DIP2A: variants seen among roughly 807,000 people sequenced by gnomAD.
The protein encoded by DIP2A is DIP2 acetate--CoA ligase A, also known as disco-interacting protein 2 homolog A.
DIP2A carries 85 observed loss-of-function variants against 177.4 expected under a neutral mutation model. The ratio of observed to expected loss-of-function variants is 0.48; its 90% CI spans 0.40 to 0.57. The LOEUF (loss-of-function observed/expected upper bound fraction) is 0.57, where lower values mean the gene tolerates loss of function less well. Among genes scored for constraint, DIP2A ranks in the 20% least tolerant of loss-of-function variants. The pLI is 0.00. For synonymous variants in DIP2A, 886 were observed against 881.8 expected (o/e 1.00, Z -0.08); for missense variants, 1,791 against 2,100.2 (o/e 0.85, Z 2.88).
intron 18 of DIP2A, 79 bp from the exon 19 acceptor site, chr21:46,545,058 A>G (rs1038787231): frequency 4.8e-5 from 69 of 1,423,812 alleles, no homozygotes; most frequent in Non-Finnish European, 6.1e-5. Flanking sequence ...ATAACCGCAC[A>G]TACAGCAGCA....
At chr21:46,515,004 T>C (rs1170413692) in intron 8 of DIP2A, among the ~76,000 whole-genome samples, 1 of 152,250 alleles carries the variant, frequency 6.6e-6, no homozygotes, top group Non-Finnish European at 1.5e-5. Context: ...TTGGCCATAA[T>C]ATCTTACCCT....
chr21:46,493,899 G>T (rs7284064), intron 3 of DIP2A, among the ~76,000 whole-genome samples: 152,330 of 152,330 alleles, frequency 1, 76,165 homozygotes, highest in Non-Finnish European at 1. Context: ...CAGAAATTCT[G>T]GGCCATCCAT....
At chr21:46,501,007 C>T (rs2057620365) in intron 5 of DIP2A, among the ~76,000 whole-genome samples, 1 of 152,182 alleles carries the variant, frequency 6.6e-6, no homozygotes. Flanking sequence ...ACTTTGCTTA[C>T]AGGATTGCAA....
At chr21:46,562,276 A>G (rs1350828617) in intron 34 of DIP2A, among the ~76,000 whole-genome samples, 2 of 152,202 alleles carry the variant, frequency 1.3e-5, no homozygotes, top group Non-Finnish European at 2.9e-5. Flanking sequence ...CTCCCAGGAA[A>G]AAACTGAGAT....
At chr21:46,464,862 A>G (rs550701175) in intron 1 of DIP2A, among the ~76,000 whole-genome samples, 1 of 135,008 alleles carries the variant, frequency 7.4e-6, no homozygotes, top group South Asian at 2.4e-4. Flanking sequence ...ACACACAACA[A>G]ATGTCAGAAT....
rs1376193038 is a variant in DIP2A, at chr21:46,563,138, G to C, written c.4090-720G>C. Among the ~76,000 whole-genome samples, 2 of 152,164 alleles carry C rather than the reference G, an allele frequency of 1.3e-5. 1 individual carries two copies. The highest frequency in any genetic ancestry group is 1.3e-4 in the Admixed American group (2 of 15,274). On this transcript the variant is annotated intron_variant, in intron 34 of 37. Coordinates refer to ENST00000417564, the MANE Select transcript of DIP2A (RefSeq NM_015151.4). This position sits in a 1 kb window ranked among gnomAD's most constrained non-coding sequence, Gnocchi z 4.3. ...AGATGGAGGCTCCAACAGCATCTGG[G>C]GAAACAGAACAGTCCCACTCCGCCG...
chr21:46,464,243 A>AG (rs1423682002), intron 1 of DIP2A, among the ~76,000 whole-genome samples: 2 of 151,718 alleles, frequency 1.3e-5, no homozygotes, highest in African/African-American at 4.8e-5. Flanking sequence ...AATACAAAAA[A>AG]TTAGCCGGGC....
At chr21:46,514,630 T>TTG (rs2058477039) in intron 8 of DIP2A, among the ~76,000 whole-genome samples, 1 of 140,152 alleles carries the variant, frequency 7.1e-6, no homozygotes, top group South Asian at 2.3e-4. Context: ...TTTTTTTTTT[T>TTG]TTTTTTTTTT....
At position 46,563,564 on chromosome 21, in the gene DIP2A, C is replaced by T. The variant is rs1386737902; in HGVS notation, c.4090-294C>T. 2.7e-6 allele frequency: 1 copy of T among 377,170 alleles called. No homozygotes were observed. Among genetic ancestry groups the T allele is most frequent in the Non-Finnish European group, 4.9e-6 (1 of 202,280 alleles). The allele number at this position is 377,170 out of a possible 1,614,324, so 23.4% of individuals were successfully genotyped here. A position where few individuals can be genotyped will look rare whatever the true frequency, so the allele number is the denominator to read the frequency against. On this transcript the variant is annotated intron_variant, in intron 34 of 37. Transcript: ENST00000417564. The surrounding 1 kb of genome is among the most constrained non-coding windows in gnomAD (Gnocchi z 4.3). ...CCTGGATGGATGCCCATCAGGTGCG[C>T]TGGCATCACCTGGCTGATTGTCTTT...
chr21:46,540,681 G>A (rs1189990007), intron 17 of DIP2A, among the ~76,000 whole-genome samples: 5 of 152,144 alleles, frequency 3.3e-5, no homozygotes, highest in African/African-American at 1.2e-4. Flanking sequence ...TAAATGGTAT[G>A]TGTTTCCATA....
the DIP2A span, among the ~76,000 whole-genome samples, chr21:46,581,595 T>C: frequency 1.3e-5 from 2 of 152,186 alleles, no homozygotes; most frequent in African/African-American, 4.8e-5. Context: ...TTGTCTACCT[T>C]TGATCTTTGA....
At chr21:46,529,390 A>G (rs2059259875) in intron 9 of DIP2A, among the ~76,000 whole-genome samples, 1 of 152,186 alleles carries the variant, frequency 6.6e-6, no homozygotes, top group Non-Finnish European at 1.5e-5. Context: ...GCCTGAGCTC[A>G]GGAGTTTGAG....
intron 1 of DIP2A, among the ~76,000 whole-genome samples, chr21:46,466,502 C>T (rs2054845561): frequency 1.3e-5 from 2 of 151,932 alleles, no homozygotes; most frequent in Non-Finnish European, 2.9e-5. Context: ...GTGCCTGCCA[C>T]CATGCCTGGC....
downstream of DIP2A, among the ~76,000 whole-genome samples, chr21:46,572,486 G>C (rs555697449): frequency 9.2e-5 from 14 of 152,226 alleles, no homozygotes; most frequent in African/African-American, 3.4e-4. Context: ...TTAAGAGGTG[G>C]GGCCCTTAAG....
Position 46,551,920 on chromosome 21 carries a change from G to T in DIP2A, c.3030+16G>T, listed in dbSNP as rs182227098. 1.9e-6 allele frequency: 3 copies of T among 1,585,610 alleles called. No individual in the cohort carries two copies. The highest frequency in any genetic ancestry group is 1.8e-5 in the Admixed American group (1 of 56,540). On this transcript the variant is annotated intron_variant, in intron 25 of 37. Transcript: ENST00000417564. ...GAACGCCAAGGTGAGGCAGTGTCAC[G>T]CCCACGGGGCTTGGAAACACCTGTG...
chr21:46,480,270 A>C (rs1045769427), intron 1 of DIP2A, among the ~76,000 whole-genome samples: 33 of 152,292 alleles, frequency 2.2e-4, no homozygotes, highest in Admixed American at 6.5e-4. Flanking sequence ...ACGTGGTGGC[A>C]GGCAAGAGGG....
chr21:46,567,409 G>A lies in DIP2A; in HGVS notation c.4503G>A (p.Val1501=), dbSNP rs2060868240. 6.2e-7 allele frequency: 1 copy of A among 1,613,816 alleles called. No homozygotes were observed. Among genetic ancestry groups the A allele is most frequent in the Non-Finnish European group, 8.5e-7 (1 of 1,179,866 alleles). Reference sequence around the variant, plus strand: ...GGACCAACCTGCTGGTGGTGGTGGTGGAGCTGGATGGGCTAGAGCAGGATG... The same window carrying A: ...GGACCAACCTGCTGGTGGTGGTGGTAGAGCTGGATGGGCTAGAGCAGGATG... The part of the protein sequence containing the change: ...FTWTNLLVVV[V]ELDGLEQDAL... Residue 1501 remains valine (V), a synonymous_variant, in exon 38 of 38, where the codon GTG becomes GTA. Transcript: ENST00000417564.
At position 46,547,056 on chromosome 21, in the gene DIP2A, G is replaced by A; in HGVS notation, c.2522+14G>A. 6.2e-7 allele frequency: 1 copy of A among 1,611,802 alleles called. No homozygotes were observed. The highest frequency in any genetic ancestry group is 8.5e-7 in the Non-Finnish European group (1 of 1,178,100). ...CTACAGAGGCAGGTGATGCGCTGCG[G>A]ACCCCCACGCCGGGAGTAGATTCCT... On this transcript the variant is annotated intron_variant, in intron 21 of 37. Coordinates refer to ENST00000417564, the MANE Select transcript of DIP2A (RefSeq NM_015151.4).
intron 18 of DIP2A, 86 bp from the exon 19 acceptor site, chr21:46,545,051 A>T (rs148095889): frequency 1.5e-6 from 2 of 1,369,000 alleles, no homozygotes; most frequent in Non-Finnish European, 2.0e-6. Context: ...TGTTTCCATA[A>T]CCGCACATAC....
Sources: allele counts gnomAD v4.1 joint callset (sites outside exome capture counted in the v4.1 genomes callset), GRCh38; gene constraint gnomAD v4.1.1; non-coding constraint Gnocchi (gnomAD v3.1); transcripts MANE v1.5; gene names NCBI Gene and HGNC (gene_info 2026-07-23, HGNC 2026-07-21).